ST8SIA6: variants seen among roughly 807,000 people sequenced by gnomAD.
ST8SIA6 encodes alpha-2,8-sialyltransferase 8F.
Under a neutral mutation model 33.6 loss-of-function variants are expected in ST8SIA6, and 39 were observed. The ratio of observed to expected loss-of-function variants is 1.16; its 90% CI spans 0.90 to 1.52. The LOEUF is 1.52. Among genes scored for constraint, ST8SIA6 ranks in the 40% most tolerant of loss-of-function variants. ST8SIA6 has a pLI of 0.00. For synonymous variants in ST8SIA6, 172 were observed against 167.2 expected (o/e 1.03, Z -0.22); for missense variants, 441 against 443.8 (o/e 0.99, Z 0.06).
rs138149868 is a variant in ST8SIA6, at chr10:17,325,429, TAATA to T, written c.635+1581_635+1584del. On this transcript the variant is annotated intron_variant, in intron 6 of 7. Coordinates refer to ENST00000377602, the MANE Select transcript of ST8SIA6 (RefSeq NM_001004470.3). ...GTGATTATATATATTACTACTACTG[TAATA>T]TATATGTGATTATATATTTTACTAC... Among the ~76,000 whole-genome samples, 395 of 77,056 alleles carry T rather than the reference TAATA, an allele frequency of 5.1e-3. 12 individuals carry two copies. The highest frequency in any genetic ancestry group is 0.044 in the East Asian group (221 of 5,016). 50.6% of individuals were successfully genotyped at this position (77,056 alleles called of 152,430 possible).
intron 5 of ST8SIA6, among the ~76,000 whole-genome samples, chr10:17,330,390 T>A (rs1020384528): frequency 6.6e-6 from 1 of 152,214 alleles, no homozygotes; most frequent in African/African-American, 2.4e-5. Context: ...TCTTTCCTTA[T>A]CATCTTTTCA....
At chr10:17,346,369 A>G (rs1375124104) in intron 4 of ST8SIA6, among the ~76,000 whole-genome samples, 1 of 152,196 alleles carries the variant, frequency 6.6e-6, no homozygotes, top group East Asian at 1.9e-4. Flanking sequence ...CACTTTGCTG[A>G]GGTGGCAGGA....
At chr10:17,361,038 T>C (rs1371489847) in intron 3 of ST8SIA6, among the ~76,000 whole-genome samples, 1 of 152,054 alleles carries the variant, frequency 6.6e-6, no homozygotes, top group Non-Finnish European at 1.5e-5. Context: ...GCATATTTTG[T>C]ATAAATAAGC....
chr10:17,381,335 T>C (rs1031685094), intron 3 of ST8SIA6, among the ~76,000 whole-genome samples: 2 of 152,084 alleles, frequency 1.3e-5, no homozygotes, highest in African/African-American at 2.4e-5. Flanking sequence ...TGAAAGTCTA[T>C]AATAGGAAAA....
At chr10:17,418,941 G>A (rs1009856410) in intron 2 of ST8SIA6, among the ~76,000 whole-genome samples, 5 of 136,936 alleles carry the variant, frequency 3.7e-5, no homozygotes, top group East Asian at 2.3e-4. Flanking sequence ...TGCAGTGAGC[G>A]GAGATCGTGC....
intron 2 of ST8SIA6, among the ~76,000 whole-genome samples, chr10:17,398,427 C>T (rs1242698266): frequency 1.3e-5 from 2 of 152,028 alleles, no homozygotes; most frequent in African/African-American, 2.4e-5. Context: ...CAGTGCTTAC[C>T]GATCATCCAC....
chr10:17,345,172 G>A (rs1848794392), intron 4 of ST8SIA6, among the ~76,000 whole-genome samples: 1 of 152,164 alleles, frequency 6.6e-6, no homozygotes, highest in South Asian at 2.1e-4. Flanking sequence ...GAGCTGCAAG[G>A]GGTGAGACTG....
chr10:17,400,170 A>C (rs1850983757), intron 2 of ST8SIA6, among the ~76,000 whole-genome samples: 1 of 152,148 alleles, frequency 6.6e-6, no homozygotes, highest in Non-Finnish European at 1.5e-5. Context: ...ATTATTTTGC[A>C]TTGCTATCAG....
chr10:17,334,985 C>T (rs1021682320), intron 4 of ST8SIA6, among the ~76,000 whole-genome samples: 11 of 152,138 alleles, frequency 7.2e-5, no homozygotes, highest in South Asian at 4.1e-4. Context: ...ATTTGCACAA[C>T]GAAACTATGT....
chr10:17,397,498 G>T (rs535646753), intron 2 of ST8SIA6, among the ~76,000 whole-genome samples: 1 of 152,242 alleles, frequency 6.6e-6, no homozygotes, highest in African/African-American at 2.4e-5. Flanking sequence ...GCCTCCCAAA[G>T]TGCTGGGATT....
In ST8SIA6 at chr10:17,320,697, A is replaced by G; in HGVS notation, c.*181T>C. ...TGGTGTCCATGTTATAAGGAGAAAA[A>G]ATGAAGATGAGAAGGATTGAATGAC... On this transcript the variant is annotated 3_prime_UTR_variant, in exon 8 of 8. Coordinates refer to ENST00000377602, the MANE Select transcript of ST8SIA6 (RefSeq NM_001004470.3). The G allele has an allele frequency of 1.6e-6, 1 of 612,280 alleles. No individual in the cohort carries two copies. The highest frequency in any genetic ancestry group is 2.9e-6 in the Non-Finnish European group (1 of 348,960). The allele number at this position is 612,280 out of a possible 1,614,324, so 37.9% of individuals were successfully genotyped here.
rs144027602 is a variant in ST8SIA6, at chr10:17,319,541, C to T, written c.*1337G>A. Among the ~76,000 whole-genome samples the T allele has an allele frequency of 3.7e-3, 566 of 152,246 alleles. 19 individuals carry two copies. The highest frequency in any genetic ancestry group is 0.033 in the Admixed American group (500 of 15,284). On this transcript the variant is annotated 3_prime_UTR_variant, in exon 8 of 8. Coordinates refer to ENST00000377602, the MANE Select transcript of ST8SIA6 (RefSeq NM_001004470.3). ...CCGCAAACATTCTTTTTCTCCTAAG[C>T]TTTTACTGGAACATGGGTATCACTA...
At chr10:17,445,318 A>C (rs7922204) in intron 2 of ST8SIA6, among the ~76,000 whole-genome samples, 28,154 of 152,172 alleles carry the variant, frequency 0.19, 5,480 homozygotes, top group African/African-American at 0.5. Context: ...AACAGACACA[A>C]GTCTACACAA....
intron 3 of ST8SIA6, among the ~76,000 whole-genome samples, chr10:17,379,875 T>G (rs1850068890): frequency 6.6e-6 from 1 of 152,188 alleles, no homozygotes; most frequent in Non-Finnish European, 1.5e-5. Context: ...TCTGATTTTC[T>G]GGGTTCACAT....
At chr10:17,430,498 C>T (rs770564373) in intron 2 of ST8SIA6, among the ~76,000 whole-genome samples, 4 of 152,192 alleles carry the variant, frequency 2.6e-5, no homozygotes, top group Non-Finnish European at 5.9e-5. Flanking sequence ...ATTTGCATTC[C>T]CACCAGCAGT....
intron 2 of ST8SIA6, among the ~76,000 whole-genome samples, chr10:17,426,444 G>A (rs1023954464): frequency 6.6e-6 from 1 of 152,150 alleles, no homozygotes. Flanking sequence ...GAGAGTTCTG[G>A]GAGCCAGTGA....
chr10:17,426,497 T>C (rs76945107), intron 2 of ST8SIA6, among the ~76,000 whole-genome samples: 4,004 of 152,126 alleles, frequency 0.026, 60 homozygotes, highest in South Asian at 0.055. Context: ...AGAGCTGGCG[T>C]TTTTAAAAGC....
At chr10:17,429,555 A>T (rs1013185691) in intron 2 of ST8SIA6, among the ~76,000 whole-genome samples, 2 of 151,460 alleles carry the variant, frequency 1.3e-5, no homozygotes, top group African/African-American at 4.9e-5. Flanking sequence ...GTGCCCATGA[A>T]ATCTTCAACT....
chr10:17,348,221 CTTTTT>C (rs202024746), intron 4 of ST8SIA6, among the ~76,000 whole-genome samples: 16 of 131,832 alleles, frequency 1.2e-4, no homozygotes, highest in Admixed American at 3.8e-4. Context: ...GAGTAGGAAC[CTTTTT>C]TTTTTTTTTT....
Sources: allele counts gnomAD v4.1 joint callset (sites outside exome capture counted in the v4.1 genomes callset), GRCh38; gene constraint gnomAD v4.1.1; transcripts MANE v1.5; gene names NCBI Gene and HGNC (gene_info 2026-07-23, HGNC 2026-07-21).